The following VTI1A variants were observed in gnomAD, a reference collection of about 807,000 sequenced individuals.
The protein encoded by VTI1A is vesicle transport through interaction with t-SNAREs homolog 1A.
VTI1A carries 22 observed loss-of-function variants against 34.9 expected under a neutral mutation model. The observed-to-expected ratio is 0.63, with a 90% CI of 0.45 to 0.90. The LOEUF (loss-of-function observed/expected upper bound fraction) is 0.90. Ranked by LOEUF, VTI1A falls within the 40% of genes least tolerant of loss-of-function variation. VTI1A has a pLI of 0.00. For missense variants in VTI1A, 268 were observed against 275.6 expected (o/e 0.97, Z 0.20); for synonymous variants, 87 against 97.3 (o/e 0.89, Z 0.62).
chr10:112,547,441 G>A (rs561077429), intron 5 of VTI1A, among the ~76,000 whole-genome samples: 31 of 152,034 alleles, frequency 2.0e-4, no homozygotes, highest in African/African-American at 7.2e-4. Flanking sequence ...GTTGGGCGTG[G>A]TGGTTACATG....
At chr10:112,647,703 A>G (rs191072725) in intron 5 of VTI1A, among the ~76,000 whole-genome samples, 22 of 152,328 alleles carry the variant, frequency 1.4e-4, no homozygotes. Context: ...TATAGAAAGG[A>G]TTCCACATAG....
intron 5 of VTI1A, among the ~76,000 whole-genome samples, chr10:112,571,433 T>C (rs1294552248): frequency 1.3e-5 from 2 of 152,118 alleles, no homozygotes; most frequent in Non-Finnish European, 2.9e-5. Context: ...GTTGACACAA[T>C]GAGATGCCAT....
intron 5 of VTI1A, chr10:112,548,626 T>C: frequency 9.8e-7 from 1 of 1,015,526 alleles, no homozygotes; most frequent in Admixed American, 1.7e-5. Context: ...AAGATAATAT[T>C]CATTTAGCCT....
chr10:112,770,150 T>C (rs1374400848), intron 7 of VTI1A, among the ~76,000 whole-genome samples: 2 of 152,026 alleles, frequency 1.3e-5, no homozygotes, highest in African/African-American at 4.8e-5. Flanking sequence ...TCTGATCTGA[T>C]CCAACCCACT....
intron 7 of VTI1A, among the ~76,000 whole-genome samples, chr10:112,689,070 C>T (rs956823959): frequency 6.6e-6 from 1 of 152,054 alleles, no homozygotes; most frequent in African/African-American, 2.4e-5. Flanking sequence ...TTATTTGTAC[C>T]TTTCTATAGT....
intron 2 of VTI1A, among the ~76,000 whole-genome samples, chr10:112,462,109 C>T (rs1205577995): frequency 6.6e-6 from 1 of 152,246 alleles, no homozygotes; most frequent in African/African-American, 2.4e-5. Context: ...CTTGGCCTCC[C>T]AAAGTGCTGG....
At chr10:112,551,932 A>G (rs570367299) in intron 5 of VTI1A, among the ~76,000 whole-genome samples, 3 of 152,336 alleles carry the variant, frequency 2.0e-5, no homozygotes, top group South Asian at 2.1e-4. Context: ...TGAAAGTGAT[A>G]ACACTTATTT....
chr10:112,573,290 C>T (rs886259157), intron 5 of VTI1A, among the ~76,000 whole-genome samples: 1 of 152,118 alleles, frequency 6.6e-6, no homozygotes, highest in Non-Finnish European at 1.5e-5. Flanking sequence ...CCGAAATAAA[C>T]TAAGCAACTT....
At chr10:112,532,534 A>C (rs764983969) in intron 4 of VTI1A, among the ~76,000 whole-genome samples, 1 of 152,172 alleles carries the variant, frequency 6.6e-6, no homozygotes, top group Non-Finnish European at 1.5e-5. Flanking sequence ...AAACACACAC[A>C]CACCCACACG....
chr10:112,585,676 T>TTC (rs1166880240), intron 5 of VTI1A, among the ~76,000 whole-genome samples: 1 of 151,106 alleles, frequency 6.6e-6, no homozygotes, highest in African/African-American at 2.4e-5. Context: ...TTTTTTTTTT[T>TTC]TTTTTTTGGT....
the VTI1A span, among the ~76,000 whole-genome samples, chr10:112,842,032 CTTTTCTTTTTTTTTTTTCCTTTTT>C: frequency 2.8e-5 from 1 of 35,864 alleles, no homozygotes; most frequent in Non-Finnish European, 6.4e-5. Context: ...ACAAGGAGTT[CTTTTCTTTTTTTTTTTTCCTTTTT>C]TTTTTTTTTT....
At chr10:112,844,741 A>G in the VTI1A span, among the ~76,000 whole-genome samples, 1 of 152,154 alleles carries the variant, frequency 6.6e-6, no homozygotes, top group African/African-American at 2.4e-5. Context: ...GAACCATGGA[A>G]AATGTAGTTT....
At chr10:112,544,316 C>T (rs1444687819) in intron 5 of VTI1A, among the ~76,000 whole-genome samples, 2 of 152,084 alleles carry the variant, frequency 1.3e-5, no homozygotes, top group Non-Finnish European at 2.9e-5. Flanking sequence ...CTGCAATGTC[C>T]ACCTCCTGGT....
chr10:112,643,804 A>G (rs927793968), intron 5 of VTI1A, among the ~76,000 whole-genome samples: 2 of 152,186 alleles, frequency 1.3e-5, no homozygotes, highest in African/African-American at 4.8e-5. Context: ...TGCTGTAAAC[A>G]TTGCATCACT....
At chr10:112,575,203 C>T (rs1852286225) in intron 5 of VTI1A, among the ~76,000 whole-genome samples, 1 of 152,200 alleles carries the variant, frequency 6.6e-6, no homozygotes, top group Non-Finnish European at 1.5e-5. Flanking sequence ...ATTGATTTCT[C>T]TTTTGAGATT....
chr10:112,467,689 A>G (rs1326698357), intron 3 of VTI1A, among the ~76,000 whole-genome samples: 24 of 152,256 alleles, frequency 1.6e-4, no homozygotes, highest in Non-Finnish European at 1.5e-4. Flanking sequence ...CTTCTATTGA[A>G]TAGGGATTTA....
chr10:112,737,379 G>T, intron 7 of VTI1A: 1 of 1,030,500 alleles, frequency 9.7e-7, no homozygotes, highest in Middle Eastern at 4.5e-4. Flanking sequence ...ATGAGCTGTG[G>T]ATTATTCATT....
intron 3 of VTI1A, among the ~76,000 whole-genome samples, chr10:112,481,829 AAG>A (rs916680332): frequency 1.3e-5 from 2 of 152,232 alleles, no homozygotes; most frequent in African/African-American, 2.4e-5. Context: ...AACAGAAAGA[AAG>A]AGAGAGAAAA....
At chr10:112,626,530 C>A (rs1424100502) in intron 5 of VTI1A, among the ~76,000 whole-genome samples, 3 of 151,842 alleles carry the variant, frequency 2.0e-5, no homozygotes, top group African/African-American at 7.3e-5. Context: ...TCTTAATCTT[C>A]TTTGTGTCCC....
Sources: gnomAD v4.1 joint callset for allele counts (sites outside exome capture counted in the v4.1 genomes callset) on GRCh38, gnomAD v4.1.1 for gene constraint, MANE v1.5 for transcripts, NCBI Gene and HGNC (gene_info 2026-07-23, HGNC 2026-07-21) for gene names.